The following LINGO2 variants were observed in gnomAD, a reference collection of about 807,000 sequenced individuals.
LINGO2 encodes leucine-rich repeat and immunoglobulin-like domain-containing nogo receptor-interacting protein 2.
Under a neutral mutation model 30.6 loss-of-function variants are expected in LINGO2, and 14 were observed. The observed-to-expected ratio is 0.46, with a 90% CI of 0.30 to 0.72. The LOEUF is 0.72. Ranked by LOEUF, LINGO2 falls within the 30% of genes least tolerant of loss-of-function variation. The pLI, the probability that LINGO2 is intolerant of heterozygous loss-of-function variation, is 0.07. For missense variants in LINGO2, 729 were observed against 751.7 expected (o/e 0.97, Z 0.35); for synonymous variants, 317 against 288.5 (o/e 1.10, Z -1.00).
intron 3 of LINGO2, among the ~76,000 whole-genome samples, chr9:28,314,223 C>T (rs1319396810): frequency 5.3e-5 from 8 of 152,148 alleles, no homozygotes; most frequent in East Asian, 1.9e-4. Flanking sequence ...CGTGAGCCAC[C>T]GCGCCCGGCC....
intron 4 of LINGO2, among the ~76,000 whole-genome samples, chr9:28,126,884 T>G (rs1006932278): frequency 3.3e-5 from 5 of 152,196 alleles, no homozygotes; most frequent in African/African-American, 1.2e-4. Context: ...CTAAACTTAC[T>G]TCAATTTGTT....
At chr9:28,670,291 C>T (rs1469936535), upstream of LINGO2, 1 of 151,948 alleles carries the variant, frequency 6.6e-6, no homozygotes, top group African/African-American at 2.4e-5. Context: ...CTACAAATAA[C>T]AAGAGGGTGA....
At chr9:28,992,926 T>C in the LINGO2 span, among the ~76,000 whole-genome samples, 4 of 151,066 alleles carry the variant, frequency 2.6e-5, no homozygotes, top group Admixed American at 6.6e-5. Flanking sequence ...AGATCCAAAA[T>C]TGACACCCTT....
chr9:28,545,086 G>C (rs1202080228), intron 1 of LINGO2, among the ~76,000 whole-genome samples: 2 of 152,024 alleles, frequency 1.3e-5, no homozygotes, highest in Non-Finnish European at 2.9e-5. Flanking sequence ...ATGAGCAAGG[G>C]AGGCTTGCTA....
chr9:28,253,902 C>T (rs1018340003), intron 4 of LINGO2, among the ~76,000 whole-genome samples: 8 of 152,102 alleles, frequency 5.3e-5, no homozygotes, highest in African/African-American at 1.7e-4. Flanking sequence ...CCATTTGCAG[C>T]GGGGAAGAGC....
intron 4 of LINGO2, among the ~76,000 whole-genome samples, chr9:28,125,923 C>T (rs1827224057): frequency 6.6e-6 from 1 of 152,186 alleles, no homozygotes; most frequent in Non-Finnish European, 1.5e-5. Flanking sequence ...TAAACACTCT[C>T]TGGTGAAAAT....
chr9:27,973,379 G>A (rs1820444715), intron 5 of LINGO2, among the ~76,000 whole-genome samples: 1 of 152,108 alleles, frequency 6.6e-6, no homozygotes, highest in African/African-American at 2.4e-5. Flanking sequence ...CACTGTTCAT[G>A]AACAATTTCA....
chr9:28,036,517 GGAA>G (rs1823943531), intron 4 of LINGO2, among the ~76,000 whole-genome samples: 1 of 152,172 alleles, frequency 6.6e-6, no homozygotes, highest in Non-Finnish European at 1.5e-5. Flanking sequence ...CTGTCTAGAA[GGAA>G]GAATTTTTAG....
rs1267481911 is a variant in LINGO2 at position 28,072,862 on chromosome 9, T to TG, written c.-86-60458dup. Among the ~76,000 whole-genome samples the TG allele has an allele frequency of 2.0e-5, 3 of 152,192 alleles. No individual in the cohort carries two copies. The East Asian group carries it at 5.8e-4, about 30-fold the overall frequency. ...GGAATGGACAACGTAGCGGTACTCA[T>TG]GGTGCTTTTAGGCACTCTGATAGCA... is the stretch of plus-strand genomic sequence containing the variant. On this transcript the variant is annotated intron_variant, in intron 4 of 5. Coordinates refer to ENST00000379992, the Ensembl canonical transcript of LINGO2.
the LINGO2 span, among the ~76,000 whole-genome samples, chr9:28,808,300 G>C: frequency 6.6e-6 from 1 of 152,138 alleles, no homozygotes; most frequent in Non-Finnish European, 1.5e-5. Flanking sequence ...AAGAGAAAGA[G>C]AGCAAAAGAA....
chr9:28,630,219 T>A lies in LINGO2; in HGVS notation c.-365+39981A>T, dbSNP rs116383414. On this transcript the variant is annotated intron_variant, in intron 1 of 5. Transcript: ENST00000379992. The stretch of plus-strand genomic sequence containing the variant: ...TAAAACTTAAAGTATAATAAAAAAA[T>A]AAATACAAAAAAATCAAAAAGAAAA... 9.5e-3 allele frequency among the ~76,000 whole-genome samples: 1,428 copies of A among 150,448 alleles called. 25 individuals carry two copies. Among genetic ancestry groups the A allele is most frequent in the African/African-American group, 0.033 (1,358 of 41,042 alleles).
the LINGO2 span, among the ~76,000 whole-genome samples, chr9:28,996,304 A>T: frequency 2.5e-4 from 38 of 152,274 alleles, no homozygotes; most frequent in African/African-American, 8.7e-4. Flanking sequence ...ATATTGTGTC[A>T]CTGTGGGCTG....
At chr9:28,007,148 G>C (rs893026552) in intron 5 of LINGO2, among the ~76,000 whole-genome samples, 1 of 152,098 alleles carries the variant, frequency 6.6e-6, no homozygotes, top group Admixed American at 6.6e-5. Flanking sequence ...TGTACAGATA[G>C]AAACAAACTC....
intron 5 of LINGO2, among the ~76,000 whole-genome samples, chr9:27,985,370 T>C (rs1364897959): frequency 6.6e-6 from 1 of 151,898 alleles, no homozygotes; most frequent in Non-Finnish European, 1.5e-5. Context: ...ACATCCAACA[T>C]AAAAGGTTAG....
At chr9:28,322,438 T>TAC (rs61397051) in intron 3 of LINGO2, among the ~76,000 whole-genome samples, 2,585 of 150,496 alleles carry the variant, frequency 0.017, 28 homozygotes, top group South Asian at 0.033. Flanking sequence ...AGGCACTCAG[T>TAC]ACACACACAC....
the LINGO2 span, among the ~76,000 whole-genome samples, chr9:28,744,374 T>G: frequency 6.6e-6 from 1 of 151,972 alleles, no homozygotes; most frequent in Admixed American, 6.6e-5. Flanking sequence ...GCTTTTCTTT[T>G]GCCTGCATGG....
the LINGO2 span, among the ~76,000 whole-genome samples, chr9:29,144,901 T>C: frequency 6.6e-6 from 1 of 152,202 alleles, no homozygotes; most frequent in Non-Finnish European, 1.5e-5. Flanking sequence ...CTTTTTTTGC[T>C]GCAGGCATCA....
intron 4 of LINGO2, among the ~76,000 whole-genome samples, chr9:28,165,459 T>G (rs1364222200): frequency 1.3e-5 from 2 of 152,206 alleles, no homozygotes; most frequent in African/African-American, 4.8e-5. Context: ...ATGCCTAGTT[T>G]TCTTTGTTCA....
chr9:29,169,950 G>A, the LINGO2 span, among the ~76,000 whole-genome samples: 29 of 151,174 alleles, frequency 1.9e-4, no homozygotes, highest in East Asian at 3.9e-4. Flanking sequence ...AGCCAAGCTC[G>A]CGCCATTGCA....
Sources: allele counts gnomAD v4.1 joint callset (sites outside exome capture counted in the v4.1 genomes callset), GRCh38; gene constraint gnomAD v4.1.1; transcripts MANE v1.5; gene names NCBI Gene and HGNC (gene_info 2026-07-23, HGNC 2026-07-21).